RUNDC1: variants seen among roughly 807,000 people sequenced by gnomAD.
RUNDC1 encodes RUN domain-containing protein 1.
A neutral mutation model predicts 49.3 loss-of-function variants in RUNDC1; 31 were observed. The observed-to-expected ratio is 0.63, with a 90% CI of 0.47 to 0.85. The LOEUF (loss-of-function observed/expected upper bound fraction) is 0.85. RUNDC1 is among the 40% of genes least tolerant of loss of function. RUNDC1 has a pLI of 0.00. For missense variants in RUNDC1, 715 were observed against 806.7 expected (o/e 0.89, Z 1.38); for synonymous variants, 347 against 348.6 (o/e 1.00, Z 0.05).
At chr17:42,985,602 C>CTTTT (rs71157692) in intron 1 of RUNDC1, 9 of 171,010 alleles carry the variant, frequency 5.3e-5, no homozygotes, top group Non-Finnish European at 8.2e-5. Flanking sequence ...TTGTTGTTTT[C>CTTTT]TTTTTTTTTT....
chr17:42,988,184 A>G (rs911527661), intron 2 of RUNDC1, among the ~76,000 whole-genome samples: 3 of 150,964 alleles, frequency 2.0e-5, no homozygotes, highest in East Asian at 1.9e-4. Flanking sequence ...TACAGTTACA[A>G]CCTCCCCTGC....
chr17:42,983,017 T>TG (rs1567729176), intron 1 of RUNDC1, among the ~76,000 whole-genome samples: 1 of 129,014 alleles, frequency 7.8e-6, no homozygotes, highest in Non-Finnish European at 1.7e-5. Flanking sequence ...AATTAAAAAC[T>TG]GAAAAAAAAA....
chr17:42,991,284 G>C lies in RUNDC1; in HGVS notation c.1410G>C (p.Met470Ile). 1 of 1,614,200 alleles carries C rather than the reference G, an allele frequency of 6.2e-7. No homozygotes were observed. ...LPAFSSAPEA[M>I]HPWELFVKYY... Reference sequence around the variant, plus strand: ...CCTTCTCCTCGGCCCCAGAGGCCATGCACCCGTGGGAGCTCTTTGTAAAGT... The same window carrying C: ...CCTTCTCCTCGGCCCCAGAGGCCATCCACCCGTGGGAGCTCTTTGTAAAGT... The change falls in exon 5 of 5, where the codon ATG becomes ATC. Residue 470 changes from methionine to isoleucine, a missense_variant. Met to Ile is a conservative substitution (Grantham distance 10). Coordinates refer to ENST00000361677, the MANE Select transcript of RUNDC1 (RefSeq NM_173079.5).
At position 42,981,015 on chromosome 17, in the gene RUNDC1, G is replaced by A. The variant is rs1324600452; in HGVS notation, c.439G>A (p.Ala147Thr). Residue 147 changes from alanine (A) to threonine (T), a missense_variant, in exon 1 of 5, where the codon GCC becomes ACC. Physicochemically the swap from Ala to Thr is moderately conservative, Grantham distance 58. This residue lies in a region of RUNDC1 where 113 missense variants were observed against 93.4 expected (regional missense o/e 1.21). Coordinates refer to ENST00000361677, the MANE Select transcript of RUNDC1 (RefSeq NM_173079.5). ...VLGYEGPGDP[A>T]SDEGDGLPGD... ...AGGTTACGAAGGGCCCGGCGACCCC[G>A]CCAGCGATGAGGGCGATGGGCTGCC... 1.9e-6 allele frequency: 3 copies of A among 1,550,354 alleles called. No individual in the cohort carries two copies. Among genetic ancestry groups the A allele is most frequent in the Non-Finnish European group, 1.7e-6 (2 of 1,154,718 alleles).
Position 42,990,936 on chromosome 17 carries a change from T to C in RUNDC1, c.1062T>C (p.Val354=). 6.2e-7 allele frequency: 1 copy of C among 1,613,640 alleles called. No individual in the cohort carries two copies. The highest frequency in any genetic ancestry group is 8.5e-7 in the Non-Finnish European group (1 of 1,179,608). Residue 354 remains valine, a synonymous_variant, in exon 5 of 5, where the codon GTT becomes GTC. Coordinates refer to ENST00000361677, the MANE Select transcript of RUNDC1 (RefSeq NM_173079.5). ...TGGCCGTGCTCCAGATCTTTGCTGTTAGCCAGTTTGGTTGTGCCACAGGCC... is the reference window on the plus strand; with the variant it reads ...TGGCCGTGCTCCAGATCTTTGCTGTCAGCCAGTTTGGTTGTGCCACAGGCC... ...RALAVLQIFA[V]SQFGCATGQI...
At position 42,990,888 on chromosome 17, in the gene RUNDC1, G is replaced by A. The variant is rs61995865; in HGVS notation, c.1014G>A (p.Gly338=). The part of the protein sequence containing the change: ...AEDVKKVRET[G]LHLMRRALAV... ...ATGTGAAGAAAGTCCGGGAGACGGGGCTGCACCTGATGCGGCGAGCGCTGG... is the reference window on the plus strand; with the variant it reads ...ATGTGAAGAAAGTCCGGGAGACGGGACTGCACCTGATGCGGCGAGCGCTGG... The change falls in exon 5 of 5, where the codon GGG becomes GGA. Residue 338 remains glycine, a synonymous_variant. Transcript: ENST00000361677. 1.8e-3 allele frequency: 2,820 copies of A among 1,607,410 alleles called. 43 individuals carry two copies. In the African/African-American group the frequency reaches 0.033, roughly 19 times the overall value.
Position 42,991,056 on chromosome 17 carries a change from G to C in RUNDC1, c.1182G>C (p.Gln394His). ...AGGTGTCAGTGGACAGAGTGAAGCA[G>C]CTAGCCTTGAGGCAGCAGCCACATG... is the stretch of plus-strand genomic sequence containing the variant. Reference protein sequence around the residue: ...RLEVSVDRVKQLALRQQPHDH... With the variant: ...RLEVSVDRVKHLALRQQPHDH... The change falls in exon 5 of 5, where the codon CAG becomes CAC. Residue 394 changes from glutamine to histidine, a missense_variant. This residue lies in a region of RUNDC1 where 425 missense variants were observed against 499.7 expected (regional missense o/e 0.85). Coordinates refer to ENST00000361677, the MANE Select transcript of RUNDC1 (RefSeq NM_173079.5). 6.2e-7 allele frequency: 1 copy of C among 1,614,152 alleles called. No homozygotes were observed.
chr17:42,981,222 C>A, intron 1 of RUNDC1, 148 bp downstream of exon 1: 1 of 1,096,620 alleles, frequency 9.1e-7, no homozygotes, highest in Non-Finnish European at 1.2e-6. Flanking sequence ...GACTGGAGTG[C>A]GGGGCCGGCT....
chr17:42,989,179 T>C (rs2050206144), intron 2 of RUNDC1, among the ~76,000 whole-genome samples, 162 bp from the exon 3 acceptor site: 1 of 152,240 alleles, frequency 6.6e-6, no homozygotes, highest in African/African-American at 2.4e-5. Context: ...AGAGAGTCTA[T>C]GTCCTCACCT....
At chr17:42,988,499 C>T (rs956478694) in intron 2 of RUNDC1, among the ~76,000 whole-genome samples, 8 of 152,154 alleles carry the variant, frequency 5.3e-5, no homozygotes, top group Admixed American at 6.5e-5. Context: ...ATGATCCACC[C>T]GCCTTGGCCT....
chr17:42,986,560 C>T (rs1391456408), intron 1 of RUNDC1, among the ~76,000 whole-genome samples: 6 of 151,984 alleles, frequency 3.9e-5, no homozygotes, highest in Middle Eastern at 3.2e-3. Flanking sequence ...TGCAGTGGCG[C>T]GATCTCTGCT....
intron 1 of RUNDC1, chr17:42,985,699 C>G (rs2050162619): frequency 1.0e-6 from 1 of 974,782 alleles, no homozygotes; most frequent in African/African-American, 1.9e-5. Context: ...CTGTAGACTT[C>G]TAGTTTAAGA....
Position 42,991,364 on chromosome 17 carries a change from C to G in RUNDC1, c.1490C>G (p.Ser497Cys), listed in dbSNP as rs1292684683. The change falls in exon 5 of 5, where the codon TCC becomes TGC. Residue 497 changes from serine to cysteine, a missense_variant. By Grantham distance (112) the Ser-to-Cys change is moderately radical. Around this residue, in one of 5 missense-constraint regions of RUNDC1, gnomAD observed 425 missense variants for 499.7 expected, o/e 0.85. Transcript: ENST00000361677. ...AYVESPARKL[S>C]QSFALPVTGG... The stretch of plus-strand genomic sequence containing the variant: ...GTGGAATCCCCAGCCCGGAAGCTCT[C>G]CCAGTCCTTCGCCCTTCCTGTTACG... The G allele has an allele frequency of 2.5e-6, 4 of 1,614,100 alleles. No individual in the cohort carries two copies. Among genetic ancestry groups the G allele is most frequent in the Non-Finnish European group, 3.4e-6 (4 of 1,180,046 alleles).
intron 4 of RUNDC1, 147 bp from the exon 5 acceptor site, chr17:42,990,704 A>G: frequency 1.1e-6 from 1 of 944,584 alleles, no homozygotes; most frequent in South Asian, 1.7e-5. Flanking sequence ...TTAACCAGAA[A>G]AAGGAAGTCC....
At chr17:42,984,704 C>A (rs372288391) in intron 1 of RUNDC1, among the ~76,000 whole-genome samples, 71 of 152,206 alleles carry the variant, frequency 4.7e-4, no homozygotes, top group African/African-American at 1.6e-3. Flanking sequence ...CAGACTTGGT[C>A]ATGAAAATGG....
intron 1 of RUNDC1, among the ~76,000 whole-genome samples, chr17:42,984,367 A>G (rs2050141997): frequency 6.9e-6 from 1 of 144,572 alleles, no homozygotes; most frequent in Non-Finnish European, 1.5e-5. Flanking sequence ...TGCAACCTCC[A>G]CCTCCTAGGT....
At position 42,994,077 on chromosome 17, in the gene RUNDC1, C is replaced by T. The variant is rs2050278993; in HGVS notation, c.*2361C>T. Among the ~76,000 whole-genome samples, 8 of 152,136 alleles carry T rather than the reference C, an allele frequency of 5.3e-5. No individual in the cohort carries two copies. The highest frequency in any genetic ancestry group is 5.2e-4 in the Admixed American group (8 of 15,270). On this transcript the variant is annotated 3_prime_UTR_variant, in exon 5 of 5. Coordinates refer to ENST00000361677, the MANE Select transcript of RUNDC1 (RefSeq NM_173079.5). ...TTCACCACATTTGTCAGGCTAGTCT[C>T]GAACTCCTGACCTCAGGTGATCCAC...
In RUNDC1 at chr17:42,991,198, CTG is replaced by C; in HGVS notation, c.1326_1327del (p.Tyr443CysfsTer40). The C allele has an allele frequency of 6.2e-7, 1 of 1,614,246 alleles. No individual in the cohort carries two copies. The highest frequency in any genetic ancestry group is 8.5e-7 in the Non-Finnish European group (1 of 1,180,036). Reference protein sequence around the residue: ...VAVRDLLAHGLYASSPGMSLV... With the variant: ...VAVRDLLAHGXYASSPGMSLV... ...TGTGAGGGACCTGCTGGCCCATGGACTGTATGCCTCCTCCCCAGGGATGAGCC... is the reference window on the plus strand; with the variant it reads ...TGTGAGGGACCTGCTGGCCCATGGACTATGCCTCCTCCCCAGGGATGAGCC... On this transcript the variant is annotated frameshift_variant, in exon 5 of 5. Transcript: ENST00000361677. LOFTEE classifies it high-confidence loss of function.
chr17:42,994,051 T>C lies in RUNDC1; in HGVS notation c.*2335T>C, dbSNP rs1314419533. On this transcript the variant is annotated 3_prime_UTR_variant, in exon 5 of 5. Transcript: ENST00000361677. ...ATGTTTGTATTTTTAATAGAGAGGG[T>C]TTCACCACATTTGTCAGGCTAGTCT... is the stretch of plus-strand genomic sequence containing the variant. Among the ~76,000 whole-genome samples the C allele has an allele frequency of 6.6e-6, 1 of 152,090 alleles. No individual in the cohort carries two copies. The highest frequency in any genetic ancestry group is 2.4e-5 in the African/African-American group (1 of 41,418).
Sources: gnomAD v4.1 joint callset for allele counts (sites outside exome capture counted in the v4.1 genomes callset) on GRCh38, gnomAD v4.1.1 for gene constraint, gnomAD v4.1.1 regional missense constraint, MANE v1.5 for transcripts, NCBI Gene and HGNC (gene_info 2026-07-23, HGNC 2026-07-21) for gene names.